Variants in PDE1A observed in about 807,000 individuals in gnomAD.
PDE1A encodes the protein dual specificity calcium/calmodulin-dependent 3',5'-cyclic nucleotide phosphodiesterase 1A.
In PDE1A, 35 loss-of-function variants were observed where a neutral mutation model predicts 61.7. The ratio of observed to expected loss-of-function variants is 0.57; its 90% CI spans 0.43 to 0.75. The LOEUF is 0.75. PDE1A is among the 30% of genes least tolerant of loss of function. The probability of loss-of-function intolerance (pLI) is 0.00; values close to 1 mark genes in which losing one functional copy is unlikely to be tolerated. For synonymous variants in PDE1A, 232 were observed against 213.2 expected (o/e 1.09, Z -0.77); for missense variants, 597 against 630.6 (o/e 0.95, Z 0.57).
chr2:182,410,188 C>A lies in PDE1A; in HGVS notation c.53+16390G>T, dbSNP rs112897826. Among the ~76,000 whole-genome samples, 366 of 151,880 alleles carry A rather than the reference C, an allele frequency of 2.4e-3. 1 individual carries two copies. The highest frequency in any genetic ancestry group is 8.5e-3 in the African/African-American group (351 of 41,390). Reference sequence around the variant, plus strand: ...GCAACATAGTGGGACCCTGTTTCTACAATTTAAAAAAGAAAAATTTTTTTT... The same window carrying A: ...GCAACATAGTGGGACCCTGTTTCTAAAATTTAAAAAAGAAAAATTTTTTTT... On this transcript the variant is annotated intron_variant, in intron 1 of 13. Coordinates refer to ENST00000351439, the Ensembl canonical transcript of PDE1A.
intron 13 of PDE1A, among the ~76,000 whole-genome samples, chr2:182,176,890 C>T (rs1399502833): frequency 1.3e-5 from 2 of 149,918 alleles, no homozygotes; most frequent in African/African-American, 2.5e-5. Context: ...GAGTTTTTAG[C>T]ATGAAGAGTT....
At chr2:182,367,842 A>T (rs1478607947) in intron 1 of PDE1A, among the ~76,000 whole-genome samples, 1 of 152,096 alleles carries the variant, frequency 6.6e-6, no homozygotes, top group East Asian at 1.9e-4. Flanking sequence ...ATCTGTCTTT[A>T]AAAAAATCCA....
intron 10 of PDE1A, among the ~76,000 whole-genome samples, chr2:182,189,445 A>G (rs1019218840): frequency 9.8e-5 from 15 of 152,338 alleles, no homozygotes; most frequent in African/African-American, 3.1e-4. Context: ...CAAGTATATC[A>G]ACAGACCTTT....
chr2:182,649,463 A>G, the PDE1A span, among the ~76,000 whole-genome samples: 15 of 152,094 alleles, frequency 9.9e-5, no homozygotes, highest in African/African-American at 3.4e-4. Flanking sequence ...CAATCATGAA[A>G]TGATGTTCAA....
the PDE1A span, among the ~76,000 whole-genome samples, chr2:182,682,436 T>C: frequency 6.6e-6 from 1 of 152,186 alleles, no homozygotes; most frequent in African/African-American, 2.4e-5. Context: ...GCAGTCATGA[T>C]GGATAAAGGG....
At chr2:182,637,664 G>A in the PDE1A span, among the ~76,000 whole-genome samples, 5 of 152,258 alleles carry the variant, frequency 3.3e-5, no homozygotes, top group South Asian at 4.1e-4. Context: ...GCTCACACCC[G>A]TAATTCCTGC....
At chr2:182,239,156 G>A (rs1231440228) in intron 3 of PDE1A, among the ~76,000 whole-genome samples, 1 of 152,014 alleles carries the variant, frequency 6.6e-6, no homozygotes, top group Non-Finnish European at 1.5e-5. Context: ...GTTTTCCACT[G>A]TCCCTTTAGC....
At chr2:182,678,970 T>C in the PDE1A span, among the ~76,000 whole-genome samples, 34 of 151,508 alleles carry the variant, frequency 2.2e-4, no homozygotes, top group African/African-American at 7.7e-4. Context: ...ATTTCTGAGA[T>C]GATGGATATG....
intron 1 of PDE1A, among the ~76,000 whole-genome samples, chr2:182,330,361 C>A (rs188738652): frequency 9.2e-5 from 14 of 151,668 alleles, no homozygotes; most frequent in Non-Finnish European, 4.4e-5. Context: ...AAAAAAAATA[C>A]CATCAGTTAT....
the PDE1A span, among the ~76,000 whole-genome samples, chr2:182,651,424 C>G: frequency 2.0e-5 from 3 of 152,152 alleles, no homozygotes; most frequent in Admixed American, 1.3e-4. Flanking sequence ...TATCTCTTTA[C>G]AAAATTTAGT....
upstream of PDE1A, among the ~76,000 whole-genome samples, chr2:182,428,174 C>T (rs1470873802): frequency 6.6e-6 from 1 of 152,142 alleles, no homozygotes; most frequent in African/African-American, 2.4e-5. Flanking sequence ...GGTTCTAGTC[C>T]TAGTTCTATT....
rs17366198 is a variant in PDE1A at position 182,153,753 on chromosome 2, G to A, written c.1517-6601C>T. On this transcript the variant is annotated intron_variant, in intron 13 of 13. Transcript: ENST00000409365. ...CCATGGAAATGATCAGATTTGGCTC[G>A]TAGAGGCAAGTTGATGTGAAAGGCA... is the stretch of plus-strand genomic sequence containing the variant. 2.6e-5 allele frequency among the ~76,000 whole-genome samples: 4 copies of A among 151,934 alleles called. No homozygotes were observed. The East Asian group carries it at 5.8e-4, about 22-fold the overall frequency.
At chr2:182,315,006 GGT>G in intron 1 of PDE1A, among the ~76,000 whole-genome samples, 1 of 152,034 alleles carries the variant, frequency 6.6e-6, no homozygotes, top group East Asian at 1.9e-4. Context: ...GGGTCTGGAA[GGT>G]ATGTTTTCTT....
chr2:182,403,503 GC>G (rs1156984399), intron 1 of PDE1A, among the ~76,000 whole-genome samples: 1 of 151,464 alleles, frequency 6.6e-6, no homozygotes, highest in Non-Finnish European at 1.5e-5. Flanking sequence ...GGAGGCTGAG[GC>G]AGGAGAATGG....
intron 13 of PDE1A, chr2:182,185,647 T>A: frequency 3.6e-6 from 2 of 560,846 alleles, no homozygotes; most frequent in Non-Finnish European, 6.2e-6. Context: ...TCTTTCAGTA[T>A]CCAGTTTGCC....
intron 8 of PDE1A, among the ~76,000 whole-genome samples, chr2:182,203,010 G>A (rs1004541584): frequency 3.3e-5 from 5 of 152,070 alleles, no homozygotes; most frequent in African/African-American, 9.7e-5. Context: ...CTATTTAATT[G>A]CCTTTTTAAA....
intron 13 of PDE1A, among the ~76,000 whole-genome samples, chr2:182,172,809 G>T (rs908650642): frequency 6.6e-6 from 1 of 151,986 alleles, no homozygotes; most frequent in Non-Finnish European, 1.5e-5. Flanking sequence ...CATTCTATGA[G>T]GAGGGAAGAA....
chr2:182,465,936 A>C (rs1686630295), intron 2 of PDE1A, among the ~76,000 whole-genome samples: 1 of 152,130 alleles, frequency 6.6e-6, no homozygotes, highest in Non-Finnish European at 1.5e-5. Context: ...GTATTCAAAA[A>C]ATATTTGTAA....
At chr2:182,204,727 G>A (rs1385355507) in intron 8 of PDE1A, among the ~76,000 whole-genome samples, 1 of 152,166 alleles carries the variant, frequency 6.6e-6, no homozygotes, top group Non-Finnish European at 1.5e-5. Context: ...TGGGCTATTA[G>A]TAGTTAAGTT....
Sources: allele counts gnomAD v4.1 joint callset (sites outside exome capture counted in the v4.1 genomes callset), GRCh38; gene constraint gnomAD v4.1.1; transcripts MANE v1.5; gene names NCBI Gene and HGNC (gene_info 2026-07-23, HGNC 2026-07-21).